The following KCNC2 variants were observed in gnomAD, a reference collection of about 807,000 sequenced individuals.
KCNC2 encodes potassium voltage-gated channel subfamily C member 2.
KCNC2 carries 21 observed loss-of-function variants against 44.5 expected under a neutral mutation model. That is an observed-to-expected ratio of 0.47 (90% confidence interval 0.33 to 0.68). The LOEUF (loss-of-function observed/expected upper bound fraction) is 0.68. Ranked by LOEUF, KCNC2 falls within the 30% of genes least tolerant of loss-of-function variation. The pLI is 0.01. For missense variants in KCNC2, 589 were observed against 826.2 expected, an observed-to-expected ratio of 0.71 and a Z score of 3.52; for synonymous variants, 391 against 339.1, an observed-to-expected ratio of 1.15 and a Z score of -1.68.
At position 75,105,627 on chromosome 12, in the gene KCNC2, G is replaced by A. The variant is rs147500442; in HGVS notation, c.688-54310C>T. ...GATATATTTTCAAGGCATAGAAACA[G>A]AATTTCCTAAGGAATCGAATGTAAA... is the stretch of plus-strand genomic sequence containing the variant. On this transcript the variant is annotated intron_variant, in intron 2 of 4. Transcript: ENST00000549446. 5.9e-5 allele frequency among the ~76,000 whole-genome samples: 9 copies of A among 152,258 alleles called. No individual in the cohort carries two copies. The East Asian group carries it at 1.7e-3, about 29-fold the overall frequency.
intron 2 of KCNC2, among the ~76,000 whole-genome samples, chr12:75,198,420 A>G (rs551519823): frequency 3.3e-5 from 5 of 151,872 alleles, no homozygotes; most frequent in Non-Finnish European, 7.4e-5. Context: ...TTAAGGTTCT[A>G]TTCTGCCCAT....
rs184055316 is a variant in KCNC2 at position 75,051,336 on chromosome 12, T to A, written c.688-19A>T. 8 of 1,384,296 alleles carry A rather than the reference T, an allele frequency of 5.8e-6. No homozygotes were observed. Among genetic ancestry groups the A allele is most frequent in the African/African-American group, 1.5e-5 (1 of 67,808 alleles). 85.8% of individuals were successfully genotyped at this position (1,384,296 alleles called of 1,614,324 possible). A position where few individuals can be genotyped will look rare whatever the true frequency, so the allele number is the denominator to read the frequency against. On this transcript the variant is annotated intron_variant, in intron 2 of 4. Transcript: ENST00000549446. ...CAATAAACTGTAGAGGAAAAAGAAA[T>A]AAAAAAACCCATAGTGATCTGAATC...
rs766168690 is a variant in KCNC2, at chr12:75,208,010, G to A, written c.-19-8C>T. 52 of 1,610,270 alleles carry A rather than the reference G, an allele frequency of 3.2e-5. No individual in the cohort carries two copies. The highest frequency in any genetic ancestry group is 4.4e-5 in the South Asian group (4 of 90,736). On this transcript the variant is annotated splice_polypyrimidine_tract_variant and splice_region_variant and intron_variant, in intron 1 of 4. Transcript: ENST00000549446. ...TCTGTGACTCAGACATGACTAGGGG[G>A]AGGCAAACACAGCGCCGAGTTAAAG... is the stretch of plus-strand genomic sequence containing the variant.
Position 75,041,221 on chromosome 12 carries a change from AG to A in KCNC2, c.*1883del. The stretch of plus-strand genomic sequence containing the variant: ...TCTGTACAACACTGTAGTCAATAAC[AG>A]CAGCACCAGACAGCATATTAATTCT... On this transcript the variant is annotated 3_prime_UTR_variant, in exon 5 of 5. Coordinates refer to ENST00000549446, the MANE Select transcript of KCNC2 (RefSeq NM_139137.4). 1 of 1,595,276 alleles carries A rather than the reference AG, an allele frequency of 6.3e-7. No homozygotes were observed. Among genetic ancestry groups the A allele is most frequent in the Non-Finnish European group, 8.5e-7 (1 of 1,177,680 alleles).
chr12:75,074,195 C>T (rs1431292306), intron 2 of KCNC2, among the ~76,000 whole-genome samples: 2 of 148,130 alleles, frequency 1.4e-5, no homozygotes, highest in Admixed American at 1.4e-4. Flanking sequence ...AGTAGGAGGT[C>T]TGCAAGCTAG....
At chr12:75,089,134 T>C (rs926455607) in intron 2 of KCNC2, among the ~76,000 whole-genome samples, 1 of 151,898 alleles carries the variant, frequency 6.6e-6, no homozygotes, top group Non-Finnish European at 1.5e-5. Flanking sequence ...ATTCAATTTA[T>C]GTATACATAT....
In KCNC2 at chr12:75,207,701, G is replaced by T. The variant is rs200309151; in HGVS notation, c.283C>A (p.His95Asn). 3.1e-4 allele frequency: 498 copies of T among 1,591,242 alleles called. 1 individual carries two copies. Among genetic ancestry groups the T allele is most frequent in the Admixed American group, 2.8e-4 (16 of 57,012 alleles). ...CSSRGGRASD[H>N]PGGGREFFFD... is the part of the protein sequence containing the mutation. ...AAGAACTCGCGGCCGCCACCGGGAT[G>T]GTCGCTGGCCCTGCCGCCGCGGGAA... The change falls in exon 2 of 5, where the codon CAT (histidine) becomes AAT (asparagine). Residue 95 changes from histidine (H) to asparagine (N), a missense_variant. His to Asn is a moderately conservative substitution (Grantham distance 68, BLOSUM62 1). Transcript: ENST00000549446. This position sits in a 1 kb window ranked among gnomAD's most constrained non-coding sequence, Gnocchi z 4.1.
chr12:75,102,406 T>A (rs1886439388), intron 2 of KCNC2, among the ~76,000 whole-genome samples: 1 of 152,044 alleles, frequency 6.6e-6, no homozygotes, highest in South Asian at 2.1e-4. Flanking sequence ...AGGTGACATC[T>A]ACACTGGTTA....
intron 2 of KCNC2, among the ~76,000 whole-genome samples, chr12:75,071,601 A>T (rs1314763316): frequency 6.6e-6 from 1 of 152,200 alleles, no homozygotes; most frequent in Non-Finnish European, 1.5e-5. Flanking sequence ...CAGACATTTC[A>T]TAATAATGTA....
chr12:75,167,395 TCTCAAAAATA>T (rs1251048331), intron 2 of KCNC2, among the ~76,000 whole-genome samples: 1 of 151,348 alleles, frequency 6.6e-6, no homozygotes, highest in Admixed American at 6.6e-5. Context: ...CTAGCATTTT[TCTCAAAAATA>T]TAAAATAAAA....
rs770147042 is a variant in KCNC2, at chr12:75,207,809, G to A, written c.175C>T (p.Pro59Ser). 3 of 1,601,808 alleles carry A rather than the reference G, an allele frequency of 1.9e-6. No individual in the cohort carries two copies. The highest frequency in any genetic ancestry group is 1.3e-5 in the African/African-American group (1 of 74,154). Residue 59 changes from proline (P) to serine (S), a missense_variant, in exon 2 of 5, where the codon CCT becomes TCT. Transcript: ENST00000549446. The surrounding 1 kb of genome is among the most constrained non-coding windows in gnomAD (Gnocchi z 4.1). Reference protein sequence around the residue: ...TAGDKLQPSPPPLSPPPRAPP... With the variant: ...TAGDKLQPSPSPLSPPPRAPP... Reference sequence around the variant, plus strand: ...GCTCTCGGCGGCGGCGACAGTGGAGGCGGCGACGGCTGCAGCTTGTCGCCC... The same window carrying A: ...GCTCTCGGCGGCGGCGACAGTGGAGACGGCGACGGCTGCAGCTTGTCGCCC...
At chr12:75,175,399 AT>A (rs1459086553) in intron 2 of KCNC2, among the ~76,000 whole-genome samples, 5 of 151,998 alleles carry the variant, frequency 3.3e-5, no homozygotes, top group African/African-American at 1.2e-4. Context: ...GAAAGTAGAG[AT>A]TATATATGTG....
At chr12:75,180,240 G>A (rs1322406788) in intron 2 of KCNC2, among the ~76,000 whole-genome samples, 4 of 151,782 alleles carry the variant, frequency 2.6e-5, no homozygotes, top group African/African-American at 7.2e-5. Flanking sequence ...CAAATTTTAT[G>A]AGAAGACTAC....
chr12:75,093,142 T>C (rs1212020300), intron 2 of KCNC2, among the ~76,000 whole-genome samples: 1 of 151,498 alleles, frequency 6.6e-6, no homozygotes, highest in Non-Finnish European at 1.5e-5. Context: ...AATTCATGAT[T>C]CATAGAATCA....
chr12:75,197,980 T>TA (rs2030921419), intron 2 of KCNC2, among the ~76,000 whole-genome samples: 1 of 151,810 alleles, frequency 6.6e-6, no homozygotes, highest in Admixed American at 6.6e-5. Context: ...CTCACTAAAT[T>TA]AAAAAAATCT....
intron 2 of KCNC2, among the ~76,000 whole-genome samples, chr12:75,136,052 T>G (rs2137371592): frequency 6.6e-6 from 1 of 152,152 alleles, no homozygotes; most frequent in Non-Finnish European, 1.5e-5. Context: ...TATCCTTTTT[T>G]TCTTGGTATA....
chr12:75,055,027 A>C (rs549402371), intron 2 of KCNC2, among the ~76,000 whole-genome samples: 1 of 152,316 alleles, frequency 6.6e-6, no homozygotes, highest in Admixed American at 6.5e-5. Flanking sequence ...ATTGAATAAC[A>C]TTCAGCAAAA....
chr12:75,116,908 A>G (rs1321077869), intron 2 of KCNC2, among the ~76,000 whole-genome samples: 1 of 152,176 alleles, frequency 6.6e-6, no homozygotes, highest in Non-Finnish European at 1.5e-5. Flanking sequence ...ATCTCACTTT[A>G]AAGGGTAGCA....
chr12:75,122,733 T>C (rs1326406822), intron 2 of KCNC2, among the ~76,000 whole-genome samples: 1 of 152,154 alleles, frequency 6.6e-6, no homozygotes, highest in African/African-American at 2.4e-5. Context: ...GAAATATTCA[T>C]TATCATCTAG....
Sources: allele counts gnomAD v4.1 joint callset (sites outside exome capture counted in the v4.1 genomes callset), GRCh38; gene constraint gnomAD v4.1.1; non-coding constraint Gnocchi (gnomAD v3.1); transcripts MANE v1.5; gene names NCBI Gene and HGNC (gene_info 2026-07-23, HGNC 2026-07-21).